The following SLC41A3 variants were observed in gnomAD, a reference collection of about 807,000 sequenced individuals.
SLC41A3 encodes solute carrier family 41 member 3.
Under a neutral mutation model 45.4 loss-of-function variants are expected in SLC41A3, and 44 were observed. That is an observed-to-expected ratio of 0.97 (90% CI 0.76 to 1.25). The LOEUF (loss-of-function observed/expected upper bound fraction) is 1.25. SLC41A3 is among the 50% of genes most tolerant of loss of function. SLC41A3 has a pLI of 0.00. For missense variants in SLC41A3, 550 were observed against 600.6 expected (o/e 0.92, Z 0.88); for synonymous variants, 256 against 252.4 (o/e 1.01, Z -0.13).
chr3:126,072,185 T>G (rs1344107560), intron 1 of SLC41A3, among the ~76,000 whole-genome samples: 1 of 152,128 alleles, frequency 6.6e-6, no homozygotes, highest in African/African-American at 2.4e-5. Context: ...TCATGGCATG[T>G]GTTAATGTAG....
intron 9 of SLC41A3, 97 bp downstream of exon 9, chr3:126,012,518 C>T (rs1939821369): frequency 1.3e-6 from 2 of 1,518,250 alleles, no homozygotes; most frequent in Non-Finnish European, 1.8e-6. Context: ...GCCCTGGCTT[C>T]AGGCATCCAT....
At chr3:126,095,281 G>T in intron 1 of SLC41A3, 1 of 677,318 alleles carries the variant, frequency 1.5e-6, no homozygotes. Context: ...AGGATCCCAA[G>T]GACCCCCTGT....
chr3:126,029,116 G>A (rs1941598784), intron 4 of SLC41A3, among the ~76,000 whole-genome samples: 1 of 152,222 alleles, frequency 6.6e-6, no homozygotes, highest in Admixed American at 6.5e-5. Context: ...TTGGGTGACT[G>A]TTAGGAAGCC....
intron 8 of SLC41A3, 52 bp downstream of exon 8, chr3:126,015,442 C>A: frequency 2.5e-6 from 4 of 1,595,150 alleles, no homozygotes; most frequent in Non-Finnish European, 3.4e-6. Context: ...CCAACCCAAT[C>A]CTGTGGGCCT....
intron 1 of SLC41A3, among the ~76,000 whole-genome samples, chr3:126,079,662 C>T (rs763274157): frequency 7.9e-5 from 12 of 152,238 alleles, no homozygotes; most frequent in South Asian, 6.2e-4. Flanking sequence ...TTTTACCCAA[C>T]GCAATTTACA....
chr3:126,093,512 C>T (rs989772102), intron 1 of SLC41A3, among the ~76,000 whole-genome samples: 4 of 152,234 alleles, frequency 2.6e-5, no homozygotes, highest in African/African-American at 9.6e-5. Flanking sequence ...GAGCCTTCTG[C>T]CTGGGGAACC....
At chr3:126,023,913 C>A (rs1358085200) in intron 5 of SLC41A3, 1 of 152,250 alleles carries the variant, frequency 6.6e-6, no homozygotes, top group African/African-American at 2.4e-5. Flanking sequence ...ACAATCACCA[C>A]CTGATGCCAT....
chr3:126,046,716 C>A (rs1942981927), intron 3 of SLC41A3, among the ~76,000 whole-genome samples: 9 of 151,826 alleles, frequency 5.9e-5, no homozygotes, highest in Admixed American at 5.9e-4. Context: ...AATCCCAGCA[C>A]TTTGGGAGGT....
intron 1 of SLC41A3, among the ~76,000 whole-genome samples, chr3:126,082,179 G>A (rs1454078379): frequency 6.6e-6 from 1 of 152,236 alleles, no homozygotes; most frequent in Non-Finnish European, 1.5e-5. Context: ...ATGTCCCTGT[G>A]TCACTGACAG....
chr3:126,042,804 G>C (rs1942681783), intron 3 of SLC41A3, among the ~76,000 whole-genome samples: 1 of 152,100 alleles, frequency 6.6e-6, no homozygotes, highest in Non-Finnish European at 1.5e-5. Flanking sequence ...CTAAAAGTCT[G>C]AAGAATGAGC....
intron 2 of SLC41A3, among the ~76,000 whole-genome samples, chr3:126,063,385 G>T (rs1944173380): frequency 6.6e-6 from 1 of 152,200 alleles, no homozygotes; most frequent in African/African-American, 2.4e-5. Flanking sequence ...CACGGTGGGT[G>T]CTGCCGTGTA....
Position 126,006,384 on chromosome 3 carries a change from T to C in SLC41A3, c.*632A>G. On this transcript the variant is annotated 3_prime_UTR_variant, in exon 11 of 11. Coordinates refer to ENST00000360370, the MANE Select transcript of SLC41A3 (RefSeq NM_017836.4). ...AAGTACAATATAATCTGTTTTATTT[T>C]ACACTTCTCTGATTATTGAAATCTA... 6.2e-7 allele frequency: 1 copy of C among 1,600,600 alleles called. No individual in the cohort carries two copies. The highest frequency in any genetic ancestry group is 8.5e-7 in the Non-Finnish European group (1 of 1,172,652).
chr3:126,089,945 G>C (rs1364098487), intron 1 of SLC41A3, among the ~76,000 whole-genome samples: 1 of 151,452 alleles, frequency 6.6e-6, no homozygotes, highest in Non-Finnish European at 1.5e-5. Flanking sequence ...CTCATGAGCT[G>C]CTTGGCTTGT....
chr3:126,046,198 T>C (rs1029124103), intron 3 of SLC41A3, among the ~76,000 whole-genome samples: 8 of 152,216 alleles, frequency 5.3e-5, no homozygotes, highest in Non-Finnish European at 1.2e-4. Context: ...CAAGGATGCC[T>C]GCTTTCACTA....
chr3:126,059,658 A>G (rs1559870493), intron 2 of SLC41A3, among the ~76,000 whole-genome samples: 2 of 152,188 alleles, frequency 1.3e-5, no homozygotes, highest in African/African-American at 4.8e-5. Context: ...TGCCAACCCC[A>G]TCACTGCCCG....
intron 9 of SLC41A3, among the ~76,000 whole-genome samples, chr3:126,011,059 G>C (rs1160153572): frequency 3.3e-5 from 5 of 152,172 alleles, no homozygotes; most frequent in African/African-American, 1.2e-4. Context: ...TCTCAACCTG[G>C]ATGAGAAAAG....
upstream of SLC41A3, chr3:126,085,551 C>T (rs1396572201): frequency 6.6e-6 from 1 of 152,136 alleles, no homozygotes; most frequent in Non-Finnish European, 1.5e-5. Context: ...GTTGACAGTC[C>T]TTCGTTTAGT....
chr3:126,055,694 C>A (rs956403022), intron 2 of SLC41A3, among the ~76,000 whole-genome samples: 5 of 152,144 alleles, frequency 3.3e-5, no homozygotes, highest in African/African-American at 1.2e-4. Context: ...TTTCAGTTGA[C>A]AGATAGCACA....
chr3:126,066,326 TGAAGCA>T (rs1222783745), intron 2 of SLC41A3, among the ~76,000 whole-genome samples: 7 of 152,164 alleles, frequency 4.6e-5, no homozygotes, highest in Non-Finnish European at 8.8e-5. Context: ...GGAGAGACCA[TGAAGCA>T]GAAAAGCCAG....
Sources: allele counts gnomAD v4.1 joint callset (sites outside exome capture counted in the v4.1 genomes callset), GRCh38; gene constraint gnomAD v4.1.1; transcripts MANE v1.5; gene names NCBI Gene and HGNC (gene_info 2026-07-23, HGNC 2026-07-21).